The following SYN3 variants were observed in gnomAD, a reference collection of about 807,000 sequenced individuals.
SYN3 encodes the protein synapsin III.
SYN3 carries 35 observed loss-of-function variants against 65.8 expected under a neutral mutation model. The observed-to-expected ratio is 0.53, with a 90% CI of 0.41 to 0.70. The LOEUF (loss-of-function observed/expected upper bound fraction) is 0.70. Ranked by LOEUF, SYN3 falls within the 30% of genes least tolerant of loss-of-function variation. The pLI is 0.00. For synonymous variants in SYN3, 270 were observed against 292.9 expected (o/e 0.92, Z 0.80); for missense variants, 680 against 749.0 (o/e 0.91, Z 1.08).
chr22:32,929,037 C>A (rs906938952), intron 4 of SYN3, among the ~76,000 whole-genome samples: 3 of 152,116 alleles, frequency 2.0e-5, no homozygotes, highest in African/African-American at 7.2e-5. Flanking sequence ...AATTCCAACA[C>A]TTTGGGAGGC....
intron 6 of SYN3, among the ~76,000 whole-genome samples, chr22:32,838,712 G>A (rs969698599): frequency 6.6e-6 from 1 of 151,892 alleles, no homozygotes; most frequent in African/African-American, 2.4e-5. Flanking sequence ...TATGGAACAA[G>A]GACTCCTGAC....
At chr22:32,902,734 C>T (rs1032879643) in intron 4 of SYN3, among the ~76,000 whole-genome samples, 1 of 152,046 alleles carries the variant, frequency 6.6e-6, no homozygotes, top group Admixed American at 6.6e-5. Context: ...GATGTGGTAC[C>T]GTCACTGACC....
chr22:32,612,407 T>C (rs1430943437), intron 6 of SYN3, among the ~76,000 whole-genome samples: 1 of 152,174 alleles, frequency 6.6e-6, no homozygotes, highest in Non-Finnish European at 1.5e-5. Context: ...AGTGTCAGAA[T>C]TGAATTCAAT....
intron 3 of SYN3, among the ~76,000 whole-genome samples, chr22:32,953,860 CT>C (rs2146841155): frequency 6.6e-6 from 1 of 152,242 alleles, no homozygotes; most frequent in South Asian, 2.1e-4. Context: ...CATCATCACA[CT>C]TGGCAATATA....
At chr22:32,812,852 G>A (rs1405566620) in intron 6 of SYN3, among the ~76,000 whole-genome samples, 3 of 152,216 alleles carry the variant, frequency 2.0e-5, no homozygotes, top group Non-Finnish European at 4.4e-5. Context: ...AGGATAGAAA[G>A]CTCCAAAGAT....
rs370626217 is a variant in SYN3, at chr22:32,983,371, A to G, written c.312-2669T>C. 2.0e-5 allele frequency among the ~76,000 whole-genome samples: 3 copies of G among 152,242 alleles called. No homozygotes were observed. In the East Asian group the frequency reaches 5.8e-4, roughly 29 times the overall value. ...TGGAAGATGGATGTCATCACCCATTATTTTTCAGCCTTCCATTTGTGAAAG... is the reference window on the plus strand; with the variant it reads ...TGGAAGATGGATGTCATCACCCATTGTTTTTCAGCCTTCCATTTGTGAAAG... On this transcript the variant is annotated intron_variant, in intron 2 of 13. Coordinates refer to ENST00000358763, the MANE Select transcript of SYN3 (RefSeq NM_003490.4).
rs1024631064 is a variant in SYN3 at position 32,508,782 on chromosome 22, T to C, written c.*4910A>G. On this transcript the variant is annotated 3_prime_UTR_variant, in exon 14 of 14. Coordinates refer to ENST00000358763, the MANE Select transcript of SYN3 (RefSeq NM_003490.4). ...TTTCTAGGAGGGCTGAGCTAAAACA[T>C]GTCCTGAACACCTGCTGGGTGCCAA... Among the ~76,000 whole-genome samples the C allele has an allele frequency of 3.3e-5, 5 of 152,362 alleles. No individual in the cohort carries two copies. Among genetic ancestry groups the C allele is most frequent in the Admixed American group, 1.3e-4 (2 of 15,304 alleles).
chr22:32,617,006 G>A (rs2059529555), intron 6 of SYN3, among the ~76,000 whole-genome samples: 1 of 152,174 alleles, frequency 6.6e-6, no homozygotes, highest in African/African-American at 2.4e-5. Flanking sequence ...AAGGTCAATG[G>A]AAGGCGCTGC....
rs1254600102 is a variant in SYN3 at position 32,676,703 on chromosome 22, A to AT, written c.712-79968dup. On this transcript the variant is annotated intron_variant, in intron 6 of 13. Transcript: ENST00000358763. ...AGGCACCCACCACCACTCCCGGTTA[A>AT]TTTTTTGTTTTTTTTTTTTTTAGTA... Among the ~76,000 whole-genome samples the AT allele has an allele frequency of 7.6e-4, 84 of 110,032 alleles. 1 individual carries two copies. Among genetic ancestry groups the AT allele is most frequent in the East Asian group, 2.3e-3 (8 of 3,484 alleles). 72.2% of individuals were successfully genotyped at this position (110,032 alleles called of 152,430 possible). A position where few individuals can be genotyped will look rare whatever the true frequency, so the allele number is the denominator to read the frequency against.
rs572400702 is a variant in SYN3 at position 32,754,045 on chromosome 22, G to A, written c.711+110870C>T. 4.6e-5 allele frequency among the ~76,000 whole-genome samples: 7 copies of A among 152,290 alleles called. No homozygotes were observed. The East Asian group carries it at 9.6e-4, about 21-fold the overall frequency. On this transcript the variant is annotated intron_variant, in intron 6 of 13. Coordinates refer to ENST00000358763, the MANE Select transcript of SYN3 (RefSeq NM_003490.4). ...TTTCTCATAACCACTCGAAGTCCCC[G>A]GACCATGGTGGTGGTCCACACCTCT...
In SYN3 at chr22:32,513,852, G is replaced by A. The variant is rs746715069; in HGVS notation, c.1611-28C>T. The stretch of plus-strand genomic sequence containing the variant: ...GAAACAGAAAGGCAAGGGGGTTGAG[G>A]AAGACAAGGCGAAGACTATCAAAGA... On this transcript the variant is annotated intron_variant, in intron 13 of 13. Coordinates refer to ENST00000358763, the MANE Select transcript of SYN3 (RefSeq NM_003490.4). The A allele has an allele frequency of 1.1e-5, 18 of 1,613,670 alleles. No homozygotes were observed. The East Asian group carries it at 2.9e-4, about 26-fold the overall frequency.
intron 3 of SYN3, among the ~76,000 whole-genome samples, chr22:32,961,506 C>T (rs940173417): frequency 3.9e-5 from 6 of 152,184 alleles, no homozygotes; most frequent in Admixed American, 2.6e-4. Flanking sequence ...GTTTCACCCC[C>T]ATCATATATT....
Position 32,554,688 on chromosome 22 carries a change from A to G in SYN3, c.775-12975T>C, listed in dbSNP as rs147915019. ...TCCAACCCTAGCCAATAGGGGAAAG[A>G]CACAGCAGTAAGAACTAGCTGCATT... On this transcript the variant is annotated intron_variant, in intron 7 of 13. Coordinates refer to ENST00000358763, the MANE Select transcript of SYN3 (RefSeq NM_003490.4). Among the ~76,000 whole-genome samples, 1,035 of 152,308 alleles carry G rather than the reference A, an allele frequency of 6.8e-3. 6 individuals are homozygous for G. Among genetic ancestry groups the G allele is most frequent in the East Asian group, 0.029 (148 of 5,178 alleles).
intron 6 of SYN3, among the ~76,000 whole-genome samples, chr22:32,854,096 T>G (rs544638779): frequency 6.6e-6 from 1 of 152,204 alleles, no homozygotes; most frequent in Non-Finnish European, 1.5e-5. Context: ...CAATTCTAGA[T>G]CTCTATGATT....
intron 1 of SYN3, among the ~76,000 whole-genome samples, chr22:33,044,020 A>T (rs2145945143): frequency 6.6e-6 from 1 of 151,982 alleles, no homozygotes; most frequent in Non-Finnish European, 1.5e-5. Flanking sequence ...GCCACTGCAC[A>T]CCATCCTGAT....
At chr22:32,989,856 G>GAAAAAT (rs1569383699) in intron 2 of SYN3, among the ~76,000 whole-genome samples, 3 of 142,384 alleles carry the variant, frequency 2.1e-5, no homozygotes, top group Non-Finnish European at 3.0e-5. Context: ...AAAAAAAAAG[G>GAAAAAT]CATCAAACAC....
intron 7 of SYN3, among the ~76,000 whole-genome samples, chr22:32,559,773 T>C (rs1312926851): frequency 1.3e-5 from 2 of 149,828 alleles, no homozygotes; most frequent in Non-Finnish European, 3.0e-5. Flanking sequence ...GAGCTTGCAG[T>C]GTGCCCAGAT....
chr22:32,832,314 G>C (rs2047596933), intron 6 of SYN3, among the ~76,000 whole-genome samples: 1 of 152,178 alleles, frequency 6.6e-6, no homozygotes, highest in Non-Finnish European at 1.5e-5. Context: ...GCATGAGTTA[G>C]AAATATAAAG....
intron 6 of SYN3, among the ~76,000 whole-genome samples, chr22:32,652,455 G>A (rs1207986461): frequency 2.8e-5 from 4 of 145,304 alleles, no homozygotes; most frequent in Middle Eastern, 3.3e-3. Flanking sequence ...TGTTGGAAAT[G>A]GCTAATTGTT....
Sources: gnomAD v4.1 joint callset for allele counts (sites outside exome capture counted in the v4.1 genomes callset) on GRCh38, gnomAD v4.1.1 for gene constraint, MANE v1.5 for transcripts, NCBI Gene and HGNC (gene_info 2026-07-23, HGNC 2026-07-21) for gene names.